PAN3: variants seen among roughly 807,000 people sequenced by gnomAD.
PAN3 encodes the protein PAN2-PAN3 deadenylation complex subunit PAN3.
Under a neutral mutation model 96.2 loss-of-function variants are expected in PAN3, and 19 were observed. That is an observed-to-expected ratio of 0.20 (90% CI 0.14 to 0.29). PAN3 has a LOEUF of 0.29. Among genes scored for constraint, PAN3 ranks in the 10% least tolerant of loss-of-function variants. PAN3 has a pLI of 1.00. For synonymous variants in PAN3, 433 were observed against 406.6 expected (o/e 1.06, Z -0.78); for missense variants, 882 against 1,108.1 (o/e 0.80, Z 2.90).
chr13:28,232,052 T>C (rs1387237127), intron 6 of PAN3, among the ~76,000 whole-genome samples: 1 of 152,214 alleles, frequency 6.6e-6, no homozygotes, highest in Non-Finnish European at 1.5e-5. Context: ...GGTAAACATT[T>C]AGCACTTTTC....
At position 28,289,068 on chromosome 13, in the gene PAN3, C is replaced by T. The variant is rs45504292; in HGVS notation, c.2523+946C>T. On this transcript the variant is annotated intron_variant, in intron 18 of 18. Transcript: ENST00000380958. The stretch of plus-strand genomic sequence containing the variant: ...GTCTCGATCTCCTGACCTCGTGATC[C>T]ACCCGCCTCAGCCTCCCAAAGTGCT... Among the ~76,000 whole-genome samples the T allele has an allele frequency of 6.0e-3, 913 of 152,110 alleles. 14 individuals carry two copies. Among genetic ancestry groups the T allele is most frequent in the African/African-American group, 0.021 (879 of 41,498 alleles).
rs1869198719 is a variant in PAN3, at chr13:28,139,006, C to T, written c.349C>T (p.Pro117Ser). The change falls in exon 1 of 19, where the codon CCG becomes TCG. Residue 117 changes from proline to serine, a missense_variant. Physicochemically the swap from Pro to Ser is moderately conservative, Grantham distance 74. Transcript: ENST00000380958. ...TGGGCCGCCCCCCGGGCCCAAGAAG[C>T]CGGACCTGGGGGACCCGGGGACCGG... ...GAGPPPGPKK[P>S]DLGDPGTGAA... The T allele has an allele frequency of 1.6e-6, 2 of 1,275,316 alleles. No homozygotes were observed. Among genetic ancestry groups the T allele is most frequent in the East Asian group, 3.1e-5 (1 of 31,770 alleles). 79.0% of individuals were successfully genotyped at this position (1,275,316 alleles called of 1,614,324 possible). A position where few individuals can be genotyped will look rare whatever the true frequency, so the allele number is the denominator to read the frequency against.
At chr13:28,142,387 C>T (rs1474497894) in intron 1 of PAN3, among the ~76,000 whole-genome samples, 1 of 152,018 alleles carries the variant, frequency 6.6e-6, no homozygotes, top group East Asian at 1.9e-4. Context: ...AGGCTGGTTT[C>T]GAACTCCTGG....
chr13:28,290,456 C>CGGGT, intron 18 of PAN3, among the ~76,000 whole-genome samples: 1 of 152,102 alleles, frequency 6.6e-6, no homozygotes, highest in Non-Finnish European at 1.5e-5. Flanking sequence ...CCCAGGTGCA[C>CGGGT]GGATCACCTG....
intron 6 of PAN3, among the ~76,000 whole-genome samples, chr13:28,241,717 C>A (rs1160464124): frequency 6.6e-6 from 1 of 152,034 alleles, no homozygotes; most frequent in Non-Finnish European, 1.5e-5. Flanking sequence ...AGTGTGTATT[C>A]TTTAATTTTG....
intron 6 of PAN3, among the ~76,000 whole-genome samples, chr13:28,241,921 A>G (rs1883700943): frequency 6.6e-6 from 1 of 151,832 alleles, no homozygotes; most frequent in South Asian, 2.1e-4. Context: ...CATATGTTTT[A>G]TTAATTTCTA....
intron 6 of PAN3, among the ~76,000 whole-genome samples, chr13:28,250,664 G>A (rs1003351459): frequency 6.6e-6 from 1 of 152,080 alleles, no homozygotes; most frequent in Admixed American, 6.5e-5. Context: ...ACCGCACCCG[G>A]CCTAATTTTT....
chr13:28,199,276 G>A (rs1377661218), intron 5 of PAN3, among the ~76,000 whole-genome samples: 6 of 151,912 alleles, frequency 3.9e-5, no homozygotes, highest in Admixed American at 2.0e-4. Flanking sequence ...GTAGCCACTC[G>A]ACCTCTCCAC....
At chr13:28,272,959 C>G (rs1260057270) in intron 14 of PAN3, among the ~76,000 whole-genome samples, 1 of 152,160 alleles carries the variant, frequency 6.6e-6, no homozygotes, top group Non-Finnish European at 1.5e-5. Flanking sequence ...TAGATTAAAA[C>G]AAGACTAATC....
rs1157236225 is a variant in PAN3 at position 28,265,925 on chromosome 13, C to T, written c.1412-790C>T. 1.0e-4 allele frequency among the ~76,000 whole-genome samples: 2 copies of T among 19,708 alleles called. 1 individual carries two copies. Among genetic ancestry groups the T allele is most frequent in the Non-Finnish European group, 1.5e-4 (2 of 13,148 alleles). The allele number at this position is 19,708 out of a possible 152,430, so 12.9% of individuals were successfully genotyped here. ...ATTTTTTTTGTATTTTTAGTAGAGA[C>T]GGGGTTTCACCTTGTTAGCCAGGAT... is the stretch of plus-strand genomic sequence containing the variant. On this transcript the variant is annotated intron_variant, in intron 9 of 18. Coordinates refer to ENST00000380958, the MANE Select transcript of PAN3 (RefSeq NM_175854.8).
intron 5 of PAN3, among the ~76,000 whole-genome samples, chr13:28,208,416 T>C (rs1324969647): frequency 6.6e-6 from 1 of 152,188 alleles, no homozygotes; most frequent in Non-Finnish European, 1.5e-5. Flanking sequence ...TGCCCTGTGA[T>C]TATGAATTAT....
rs539686806 is a variant in PAN3, at chr13:28,143,267, A to G, written c.430+4180A>G. Among the ~76,000 whole-genome samples, 43 of 151,942 alleles carry G rather than the reference A, an allele frequency of 2.8e-4. 1 individual carries two copies. Among genetic ancestry groups the G allele is most frequent in the South Asian group, 1.9e-3 (9 of 4,822 alleles). The stretch of plus-strand genomic sequence containing the variant: ...CCATGTAGCTTACGTAACATTTCGT[A>G]TTTCTGTTAGTCTTGGGATTTTTCT... On this transcript the variant is annotated intron_variant, in intron 1 of 18. Transcript: ENST00000380958.
intron 18 of PAN3, among the ~76,000 whole-genome samples, chr13:28,290,045 T>C (rs898131643): frequency 6.6e-6 from 1 of 152,262 alleles, no homozygotes. Flanking sequence ...TGGTAAGCCA[T>C]GGCCTGCAGG....
intron 1 of PAN3, among the ~76,000 whole-genome samples, chr13:28,158,667 A>C (rs1244491096): frequency 1.3e-5 from 2 of 152,170 alleles, no homozygotes; most frequent in Non-Finnish European, 2.9e-5. Context: ...TCACGAGGTC[A>C]GGAGATCAAG....
At chr13:28,282,199 C>T (rs1328537352) in intron 17 of PAN3, among the ~76,000 whole-genome samples, 1 of 152,124 alleles carries the variant, frequency 6.6e-6, no homozygotes, top group Non-Finnish European at 1.5e-5. Flanking sequence ...TAAGCAGAGT[C>T]GATGTTTGTA....
At chr13:28,215,153 A>T (rs868092196) in intron 5 of PAN3, 1 of 725,674 alleles carries the variant, frequency 1.4e-6, no homozygotes, top group Non-Finnish European at 2.5e-6. Flanking sequence ...GGTTCAAGGG[A>T]TGGAAAGTCA....
intron 18 of PAN3, among the ~76,000 whole-genome samples, chr13:28,291,324 A>C (rs1202523156): frequency 6.6e-6 from 1 of 152,200 alleles, no homozygotes; most frequent in Non-Finnish European, 1.5e-5. Context: ...AAGTTGATAG[A>C]CTAAGGATCA....
intron 1 of PAN3, among the ~76,000 whole-genome samples, chr13:28,156,106 A>G (rs1872124726): frequency 6.6e-6 from 1 of 152,222 alleles, no homozygotes; most frequent in Non-Finnish European, 1.5e-5. Context: ...AAACCATACA[A>G]AAGATCAGTG....
At chr13:28,215,642 G>A in intron 5 of PAN3, 1 of 1,321,610 alleles carries the variant, frequency 7.6e-7, no homozygotes, top group South Asian at 1.3e-5. Flanking sequence ...TGAAGGTAAA[G>A]ATTTATTGCC....
Sources: allele counts gnomAD v4.1 joint callset (sites outside exome capture counted in the v4.1 genomes callset), GRCh38; gene constraint gnomAD v4.1.1; transcripts MANE v1.5; gene names NCBI Gene and HGNC (gene_info 2026-07-23, HGNC 2026-07-21).